MIPOL1: variants seen among roughly 807,000 people sequenced by gnomAD.
MIPOL1 encodes the protein mirror-image polydactyly 1.
In MIPOL1, 57 loss-of-function variants were observed where a neutral mutation model predicts 60.9. That is an observed-to-expected ratio of 0.94 (90% CI 0.76 to 1.17). MIPOL1 has a LOEUF of 1.17. Among genes scored for constraint, MIPOL1 ranks in the 50% most tolerant of loss-of-function variants. MIPOL1 has a pLI of 0.00. For missense variants in MIPOL1, 551 were observed against 511.6 expected (o/e 1.08, Z -0.74); for synonymous variants, 179 against 168.8 (o/e 1.06, Z -0.47).
chr14:37,308,036 T>A lies in MIPOL1; in HGVS notation c.624-20T>A. On this transcript the variant is annotated intron_variant, in intron 7 of 12. Coordinates refer to ENST00000684589, the MANE Select transcript of MIPOL1 (RefSeq NM_001388067.1). ...TAAGGAAATGCTACTGATCAGGCTT[T>A]CTGTGTCCCTTTTTTCTAGGCTAGA... The A allele has an allele frequency of 1.2e-6, 2 of 1,608,490 alleles. No individual in the cohort carries two copies. The highest frequency in any genetic ancestry group is 1.3e-5 in the African/African-American group (1 of 74,742).
In MIPOL1 at chr14:37,457,490, T is replaced by G. The variant is rs547161393; in HGVS notation, c.1031+34541T>G. ...AGTAGTGAGATGAGGACACTATCCT[T>G]TCCTCAGGATAATCTTCTCTCCCTC... On this transcript the variant is annotated intron_variant, in intron 11 of 12. Transcript: ENST00000684589. Among the ~76,000 whole-genome samples, 3 of 152,240 alleles carry G rather than the reference T, an allele frequency of 2.0e-5. No homozygotes were observed. The South Asian group carries it at 6.2e-4, about 32-fold the overall frequency.
chr14:37,544,302 C>T (rs771209695), intron 12 of MIPOL1, among the ~76,000 whole-genome samples: 4 of 152,214 alleles, frequency 2.6e-5, no homozygotes, highest in Non-Finnish European at 4.4e-5. Context: ...ATCTTTAATA[C>T]TAATGGCAAA....
At position 37,308,036 on chromosome 14, in the gene MIPOL1, T is replaced by C; in HGVS notation, c.624-20T>C. On this transcript the variant is annotated intron_variant, in intron 7 of 12. Coordinates refer to ENST00000684589, the MANE Select transcript of MIPOL1 (RefSeq NM_001388067.1). ...TAAGGAAATGCTACTGATCAGGCTT[T>C]CTGTGTCCCTTTTTTCTAGGCTAGA... is the stretch of plus-strand genomic sequence containing the variant. 1 of 1,608,490 alleles carries C rather than the reference T, an allele frequency of 6.2e-7. No individual in the cohort carries two copies. Among genetic ancestry groups the C allele is most frequent in the Non-Finnish European group, 8.5e-7 (1 of 1,176,744 alleles).
intron 9 of MIPOL1, among the ~76,000 whole-genome samples, chr14:37,361,486 G>A (rs546014201): frequency 1.3e-5 from 2 of 151,982 alleles, no homozygotes; most frequent in East Asian, 1.9e-4. Flanking sequence ...GGTCTCTAAA[G>A]ACTTGCTTTA....
chr14:37,237,715 A>C (rs1281767704), intron 1 of MIPOL1, among the ~76,000 whole-genome samples: 1 of 152,158 alleles, frequency 6.6e-6, no homozygotes, highest in Non-Finnish European at 1.5e-5. Flanking sequence ...GATCTTAAGT[A>C]GTTAACTTTT....
chr14:37,464,688 G>A (rs2094578054), intron 11 of MIPOL1, among the ~76,000 whole-genome samples: 2 of 152,202 alleles, frequency 1.3e-5, no homozygotes, highest in Admixed American at 6.5e-5. Context: ...TCACCACTAT[G>A]CAATGTATCC....
chr14:37,532,785 A>G (rs1354705582), intron 12 of MIPOL1, among the ~76,000 whole-genome samples: 1 of 152,174 alleles, frequency 6.6e-6, no homozygotes, highest in Non-Finnish European at 1.5e-5. Flanking sequence ...CCTAGATAAT[A>G]TGAGTAGTTG....
At chr14:37,293,426 A>G (rs8018271) in intron 7 of MIPOL1, among the ~76,000 whole-genome samples, 152,096 of 152,182 alleles carry the variant, frequency 1, 76,005 homozygotes, top group Middle Eastern at 1. Flanking sequence ...CTGAGGTACC[A>G]GGTTCATCTC....
intron 12 of MIPOL1, among the ~76,000 whole-genome samples, chr14:37,539,899 G>A (rs1443801699): frequency 6.6e-6 from 1 of 152,134 alleles, no homozygotes; most frequent in Non-Finnish European, 1.5e-5. Context: ...TCATCGGAGG[G>A]ACCAGATGGA....
At chr14:37,329,702 C>A (rs908758075) in intron 9 of MIPOL1, among the ~76,000 whole-genome samples, 1 of 152,130 alleles carries the variant, frequency 6.6e-6, no homozygotes, top group Non-Finnish European at 1.5e-5. Flanking sequence ...TGAAAAAGAG[C>A]TTAATAAACT....
chr14:37,372,866 A>G (rs957070633), intron 10 of MIPOL1, among the ~76,000 whole-genome samples: 1 of 151,972 alleles, frequency 6.6e-6, no homozygotes, highest in African/African-American at 2.4e-5. Context: ...AAGGGACTGA[A>G]TTATACTGAT....
chr14:37,410,679 A>C (rs1159592444), intron 10 of MIPOL1, among the ~76,000 whole-genome samples: 1 of 152,180 alleles, frequency 6.6e-6, no homozygotes, highest in Non-Finnish European at 1.5e-5. Context: ...CATTTTAAAA[A>C]TAGCAAATAA....
chr14:37,227,402 TCTC>T (rs1969926048), intron 1 of MIPOL1, among the ~76,000 whole-genome samples: 1 of 152,110 alleles, frequency 6.6e-6, no homozygotes. Context: ...GTATACTATC[TCTC>T]CTCATATCTG....
intron 9 of MIPOL1, among the ~76,000 whole-genome samples, chr14:37,322,534 AT>A (rs1194920602): frequency 6.6e-6 from 1 of 151,498 alleles, no homozygotes; most frequent in Non-Finnish European, 1.5e-5. Context: ...GCTCAGGAGG[AT>A]TTTTTTTAAT....
intron 9 of MIPOL1, among the ~76,000 whole-genome samples, chr14:37,356,223 G>C (rs1050014189): frequency 1.2e-4 from 19 of 152,002 alleles, no homozygotes; most frequent in African/African-American, 4.3e-4. Flanking sequence ...CTTCTCGGGG[G>C]TCAGGGGTCA....
intron 9 of MIPOL1, among the ~76,000 whole-genome samples, chr14:37,331,878 C>T (rs531755987): frequency 8.5e-4 from 130 of 152,234 alleles, no homozygotes; most frequent in African/African-American, 1.3e-3. Context: ...AGGCCAGGCA[C>T]GGTGCTTCAC....
chr14:37,380,254 A>T (rs746731426), intron 10 of MIPOL1, among the ~76,000 whole-genome samples: 14 of 152,100 alleles, frequency 9.2e-5, no homozygotes, highest in Non-Finnish European at 1.5e-4. Flanking sequence ...TTGGTTTCTA[A>T]CAGCGTTCTG....
intron 10 of MIPOL1, among the ~76,000 whole-genome samples, chr14:37,391,457 G>A (rs1234566661): frequency 2.6e-5 from 4 of 151,196 alleles, no homozygotes; most frequent in African/African-American, 4.9e-5. Flanking sequence ...GTGCCGTGGC[G>A]TGATCTCAGC....
chr14:37,280,897 C>G (rs1239627010), intron 6 of MIPOL1, among the ~76,000 whole-genome samples: 1 of 151,950 alleles, frequency 6.6e-6, no homozygotes, highest in Non-Finnish European at 1.5e-5. Flanking sequence ...AGTTCGAGTT[C>G]CTTGTATATT....
Sources: gnomAD v4.1 joint callset for allele counts (sites outside exome capture counted in the v4.1 genomes callset) on GRCh38, gnomAD v4.1.1 for gene constraint, MANE v1.5 for transcripts, NCBI Gene and HGNC (gene_info 2026-07-23, HGNC 2026-07-21) for gene names.